The following FHIT variants were observed in gnomAD, a reference collection of about 807,000 sequenced individuals.
FHIT encodes fragile histidine triad diadenosine triphosphatase, also known as bis(5'-adenosyl)-triphosphatase.
A neutral mutation model predicts 17.9 loss-of-function variants in FHIT; 19 were observed. That is an observed-to-expected ratio of 1.06 (90% CI 0.74 to 1.56). FHIT has a LOEUF of 1.56. Ranked by LOEUF, FHIT falls within the 40% of genes most tolerant of loss-of-function variation. The pLI is 0.00. For synonymous variants in FHIT, 81 were observed against 69.7 expected, an observed-to-expected ratio of 1.16 and a Z score of -0.81; for missense variants, 248 against 189.2, an observed-to-expected ratio of 1.31 and a Z score of -1.82.
chr3:60,636,070 AT>A lies in FHIT; in HGVS notation c.-17-99092del, dbSNP rs3037240. On this transcript the variant is annotated intron_variant, in intron 4 of 9. Transcript: ENST00000492590. The stretch of plus-strand genomic sequence containing the variant: ...AGAATCAATTAAGCTTTGTACAATG[AT>A]TTTTTTTTTTTGAGACAGAGTCTTG... 4.0e-4 allele frequency among the ~76,000 whole-genome samples: 58 copies of A among 146,830 alleles called. 1 individual carries two copies. Among genetic ancestry groups the A allele is most frequent in the African/African-American group, 6.5e-4 (26 of 40,098 alleles).
intron 4 of FHIT, among the ~76,000 whole-genome samples, chr3:60,741,477 A>C (rs782798716): frequency 2.6e-5 from 4 of 152,212 alleles, no homozygotes; most frequent in Non-Finnish European, 5.9e-5. Context: ...CCAATGAGAA[A>C]GGTGTTTTGT....
chr3:60,845,943 T>C (rs1553746319), intron 3 of FHIT, among the ~76,000 whole-genome samples: 1 of 152,200 alleles, frequency 6.6e-6, no homozygotes, highest in African/African-American at 2.4e-5. Context: ...GCAACATATC[T>C]AAACAAAGGT....
At chr3:60,555,939 T>A (rs2036724170) in intron 4 of FHIT, among the ~76,000 whole-genome samples, 1 of 152,242 alleles carries the variant, frequency 6.6e-6, no homozygotes, top group Non-Finnish European at 1.5e-5. Flanking sequence ...TGATTCACAC[T>A]GACTCAAAAC....
At chr3:60,401,914 G>A (rs1222463846) in intron 5 of FHIT, among the ~76,000 whole-genome samples, 1 of 152,126 alleles carries the variant, frequency 6.6e-6, no homozygotes, top group African/African-American at 2.4e-5. Context: ...AGTGTTCTGG[G>A]TCATTTCTTC....
chr3:60,431,277 C>T (rs1702891023), intron 5 of FHIT, among the ~76,000 whole-genome samples: 1 of 151,518 alleles, frequency 6.6e-6, no homozygotes, highest in African/African-American at 2.4e-5. Flanking sequence ...CATTCTTGCT[C>T]CATCATTTCT....
intron 5 of FHIT, among the ~76,000 whole-genome samples, chr3:60,472,616 G>T (rs547499554): frequency 6.6e-6 from 1 of 152,042 alleles, no homozygotes; most frequent in East Asian, 1.9e-4. Flanking sequence ...TGATCCGCCC[G>T]TCTCGGCCTC....
chr3:59,869,980 G>A (rs1480168718), intron 8 of FHIT, among the ~76,000 whole-genome samples: 2 of 151,964 alleles, frequency 1.3e-5, no homozygotes, highest in Non-Finnish European at 2.9e-5. Flanking sequence ...ATTGAGTGCT[G>A]ACTATTCTTG....
chr3:60,294,765 G>C (rs1708134750), intron 5 of FHIT, among the ~76,000 whole-genome samples: 1 of 152,082 alleles, frequency 6.6e-6, no homozygotes, highest in African/African-American at 2.4e-5. Flanking sequence ...TCATTTTAAG[G>C]ATGTTATATA....
chr3:61,181,489 A>G (rs567631978), intron 2 of FHIT, among the ~76,000 whole-genome samples: 3 of 152,274 alleles, frequency 2.0e-5, no homozygotes, highest in East Asian at 3.9e-4. Context: ...GTGGGGAAAA[A>G]AACAGTCATC....
chr3:60,829,765 C>T (rs192969760), intron 3 of FHIT, among the ~76,000 whole-genome samples: 2 of 148,448 alleles, frequency 1.3e-5, no homozygotes, highest in East Asian at 3.9e-4. Flanking sequence ...AACTGAAACT[C>T]GGTAGATCAG....
intron 8 of FHIT, among the ~76,000 whole-genome samples, chr3:59,755,774 G>C (rs1701182776): frequency 6.6e-6 from 1 of 152,192 alleles, no homozygotes; most frequent in African/African-American, 2.4e-5. Flanking sequence ...AAGGCTGCTG[G>C]ATAGAGCTAG....
At chr3:60,293,096 C>G (rs138895983) in intron 5 of FHIT, among the ~76,000 whole-genome samples, 1 of 152,072 alleles carries the variant, frequency 6.6e-6, no homozygotes, top group Non-Finnish European at 1.5e-5. Flanking sequence ...TGAAAACATA[C>G]GTAATCTAGA....
chr3:60,478,278 T>C (rs1004389130), intron 5 of FHIT, among the ~76,000 whole-genome samples: 1 of 152,318 alleles, frequency 6.6e-6, no homozygotes, highest in Admixed American at 6.5e-5. Context: ...GCAGTGTGAC[T>C]GCACAGCCAG....
intron 4 of FHIT, among the ~76,000 whole-genome samples, chr3:60,641,161 C>A (rs891689789): frequency 1.3e-5 from 2 of 151,910 alleles, no homozygotes; most frequent in African/African-American, 4.8e-5. Flanking sequence ...GCCTGGGCAA[C>A]AGGAGTGAAA....
intron 5 of FHIT, among the ~76,000 whole-genome samples, chr3:60,503,080 CAT>C (rs1384853651): frequency 8.5e-5 from 13 of 152,132 alleles, no homozygotes; most frequent in African/African-American, 1.4e-4. Context: ...ATCAGAAAAA[CAT>C]GTGATCAGTT....
At chr3:59,851,732 T>G (rs1701946081) in intron 8 of FHIT, among the ~76,000 whole-genome samples, 1 of 152,214 alleles carries the variant, frequency 6.6e-6, no homozygotes, top group Non-Finnish European at 1.5e-5. Context: ...CCATTCCCAC[T>G]AGAATTTACC....
At chr3:60,491,905 G>T (rs1273425746) in intron 5 of FHIT, among the ~76,000 whole-genome samples, 1 of 152,038 alleles carries the variant, frequency 6.6e-6, no homozygotes, top group Non-Finnish European at 1.5e-5. Context: ...TTTAGAATAT[G>T]AAAAGTTTGC....
At chr3:60,213,559 T>C (rs930307324) in intron 5 of FHIT, among the ~76,000 whole-genome samples, 1 of 152,204 alleles carries the variant, frequency 6.6e-6, no homozygotes, top group Non-Finnish European at 1.5e-5. Context: ...TTCCAATGAA[T>C]CCCAACAACA....
intron 4 of FHIT, among the ~76,000 whole-genome samples, chr3:60,667,723 A>G (rs2040413214): frequency 8.0e-6 from 1 of 124,706 alleles, no homozygotes; most frequent in Non-Finnish European, 1.7e-5. Flanking sequence ...AGGAGAGACT[A>G]GGTCCTATTT....
Sources: allele counts gnomAD v4.1 joint callset (sites outside exome capture counted in the v4.1 genomes callset), GRCh38; gene constraint gnomAD v4.1.1; transcripts MANE v1.5; gene names NCBI Gene and HGNC (gene_info 2026-07-23, HGNC 2026-07-21).